The following INPP4B variants were observed in gnomAD, a reference collection of about 807,000 sequenced individuals.
The protein encoded by INPP4B is inositol polyphosphate 4-phosphatase type II.
In INPP4B, 55 loss-of-function variants were observed where a neutral mutation model predicts 122.5. That is an observed-to-expected ratio of 0.45 (90% CI 0.36 to 0.56). The LOEUF is 0.56. INPP4B is among the 20% of genes least tolerant of loss of function. INPP4B has a pLI of 0.00. For missense variants in INPP4B, 1,000 were observed against 1,097.7 expected (o/e 0.91, Z 1.26); for synonymous variants, 403 against 388.7 (o/e 1.04, Z -0.43).
At chr4:142,363,934 T>C (rs1786441442) in intron 7 of INPP4B, among the ~76,000 whole-genome samples, 1 of 152,062 alleles carries the variant, frequency 6.6e-6, no homozygotes, top group African/African-American at 2.4e-5. Flanking sequence ...CAGACTGGAA[T>C]TCATGCCAGC....
At chr4:142,557,589 G>A (rs1475311838) in intron 2 of INPP4B, among the ~76,000 whole-genome samples, 1 of 152,138 alleles carries the variant, frequency 6.6e-6, no homozygotes, top group African/African-American at 2.4e-5. Flanking sequence ...CCGATGTCCA[G>A]GCACAGTTCC....
chr4:142,618,291 G>A (rs62331862), intron 2 of INPP4B, among the ~76,000 whole-genome samples: 16,445 of 151,888 alleles, frequency 0.11, 918 homozygotes, highest in South Asian at 0.15. Flanking sequence ...ACTGTAAGAA[G>A]AACAAAGCAG....
chr4:142,403,090 A>T (rs1320095065), intron 6 of INPP4B, 36 bp from the exon 7 acceptor site: 1 of 1,149,766 alleles, frequency 8.7e-7, no homozygotes, highest in African/African-American at 1.5e-5. Context: ...TGATTCAATA[A>T]GGCAGCAACT....
intron 2 of INPP4B, among the ~76,000 whole-genome samples, chr4:142,620,040 G>T (rs1282862895): frequency 6.6e-6 from 1 of 151,950 alleles, no homozygotes; most frequent in Admixed American, 6.6e-5. Context: ...GATGCTAGCT[G>T]CAGAGAAAAG....
intron 2 of INPP4B, among the ~76,000 whole-genome samples, chr4:142,484,002 T>G (rs564884828): frequency 7.2e-5 from 11 of 152,052 alleles, no homozygotes; most frequent in Non-Finnish European, 1.6e-4. Flanking sequence ...AAACTTTTCC[T>G]GTCCTGGGAT....
At chr4:142,446,563 A>G (rs1159321399) in intron 3 of INPP4B, among the ~76,000 whole-genome samples, 2 of 152,228 alleles carry the variant, frequency 1.3e-5, no homozygotes, top group African/African-American at 4.8e-5. Context: ...AAAGATAATT[A>G]GGAGAATGTT....
At chr4:142,742,565 G>GA (rs1184451498) in intron 1 of INPP4B, among the ~76,000 whole-genome samples, 2 of 151,320 alleles carry the variant, frequency 1.3e-5, no homozygotes, top group Non-Finnish European at 3.0e-5. Flanking sequence ...TTAGTAGTGA[G>GA]AAAAAAAAGT....
chr4:142,278,022 A>T (rs113323373), intron 9 of INPP4B, among the ~76,000 whole-genome samples: 2,426 of 151,926 alleles, frequency 0.016, 17 homozygotes, highest in Non-Finnish European at 0.027. Context: ...TTATTCATAT[A>T]ACCAAACACC....
intron 25 of INPP4B, among the ~76,000 whole-genome samples, chr4:142,042,029 T>G (rs929572952): frequency 3.9e-5 from 6 of 152,214 alleles, no homozygotes; most frequent in African/African-American, 4.8e-5. Flanking sequence ...TCCTCCTTGA[T>G]GCTTTTGTAT....
chr4:142,825,268 C>G (rs1327332827), intron 1 of INPP4B, among the ~76,000 whole-genome samples: 1 of 152,044 alleles, frequency 6.6e-6, no homozygotes, highest in African/African-American at 2.4e-5. Flanking sequence ...TAACTTATCA[C>G]CATCTGGAAA....
chr4:142,816,253 T>G (rs1188562743), intron 1 of INPP4B, among the ~76,000 whole-genome samples: 1 of 152,172 alleles, frequency 6.6e-6, no homozygotes, highest in Non-Finnish European at 1.5e-5. Context: ...AAGAAGATAT[T>G]TCTCAGAATA....
chr4:142,081,867 G>T (rs1204714568), intron 25 of INPP4B, among the ~76,000 whole-genome samples, 164 bp downstream of exon 25: 2 of 151,752 alleles, frequency 1.3e-5, no homozygotes, highest in African/African-American at 4.8e-5. Context: ...CATTATACAG[G>T]TGGAGAAAAT....
chr4:142,644,938 C>T (rs1005015519), intron 2 of INPP4B, among the ~76,000 whole-genome samples: 5 of 136,094 alleles, frequency 3.7e-5, no homozygotes, highest in African/African-American at 1.4e-4. Flanking sequence ...CAAAGAGAAA[C>T]ATCTCAAACA....
chr4:142,634,426 A>C (rs1748656299), intron 2 of INPP4B, among the ~76,000 whole-genome samples: 1 of 152,190 alleles, frequency 6.6e-6, no homozygotes, highest in Non-Finnish European at 1.5e-5. Context: ...TAGATGCAAA[A>C]AATACTAAGT....
At chr4:142,029,303 C>G in intron 25 of INPP4B, 1 of 985,762 alleles carries the variant, frequency 1.0e-6, no homozygotes, top group Non-Finnish European at 1.2e-6. Context: ...GATGCAGGTT[C>G]TAGAAATAAG....
At chr4:142,249,221 A>G (rs888511229) in intron 11 of INPP4B, among the ~76,000 whole-genome samples, 1 of 152,142 alleles carries the variant, frequency 6.6e-6, no homozygotes, top group Non-Finnish European at 1.5e-5. Flanking sequence ...ACTGTATCAC[A>G]TCTAATGCTT....
intron 2 of INPP4B, among the ~76,000 whole-genome samples, chr4:142,650,334 T>C (rs1014942588): frequency 2.0e-5 from 3 of 152,106 alleles, no homozygotes; most frequent in Non-Finnish European, 2.9e-5. Flanking sequence ...CCAGCTAACA[T>C]CATAATGACA....
intron 15 of INPP4B, among the ~76,000 whole-genome samples, chr4:142,178,475 T>C (rs530233437): frequency 6.6e-6 from 1 of 152,334 alleles, no homozygotes; most frequent in Non-Finnish European, 1.5e-5. Flanking sequence ...TAATTTATTT[T>C]CCTTAACTCC....
At chr4:142,117,899 G>A (rs187462442) in intron 21 of INPP4B, among the ~76,000 whole-genome samples, 56 of 152,192 alleles carry the variant, frequency 3.7e-4, no homozygotes, top group African/African-American at 1.1e-3. Flanking sequence ...AAACCCCATC[G>A]TCTAAGCCCA....
Sources: allele counts gnomAD v4.1 joint callset (sites outside exome capture counted in the v4.1 genomes callset), GRCh38; gene constraint gnomAD v4.1.1; transcripts MANE v1.5; gene names NCBI Gene and HGNC (gene_info 2026-07-23, HGNC 2026-07-21).